The following ENTREP2 variants were observed in gnomAD, a reference collection of about 807,000 sequenced individuals.
ENTREP2 encodes protein ENTREP2.
the ENTREP2 span, among the ~76,000 whole-genome samples, chr15:29,490,479 CCCATTTTACAGAGAGCTGACTGGT>C: frequency 6.6e-6 from 1 of 152,128 alleles, no homozygotes; most frequent in African/African-American, 2.4e-5. Flanking sequence ...TGCTGATTGG[CCCATTTTACAGAGAGCTGACTGGT>C]CCATTTTACA....
the ENTREP2 span, among the ~76,000 whole-genome samples, chr15:29,227,871 G>C: frequency 2.6e-5 from 4 of 152,126 alleles, no homozygotes; most frequent in African/African-American, 9.7e-5. Context: ...ACACATTTCT[G>C]CAGTTCTGAG....
At chr15:29,311,279 A>T in the ENTREP2 span, among the ~76,000 whole-genome samples, 2 of 152,342 alleles carry the variant, frequency 1.3e-5, no homozygotes, top group Non-Finnish European at 2.9e-5. Context: ...ATGACCACAT[A>T]ACAGTCTGAT....
the ENTREP2 span, among the ~76,000 whole-genome samples, chr15:29,585,091 ATTATG>A: frequency 1.3e-5 from 2 of 152,180 alleles, no homozygotes; most frequent in African/African-American, 4.8e-5. Context: ...ATGAATACAA[ATTATG>A]TTGCATTCCT....
At chr15:29,369,646 T>C in the ENTREP2 span, among the ~76,000 whole-genome samples, 6 of 151,886 alleles carry the variant, frequency 4.0e-5, no homozygotes, top group Admixed American at 1.3e-4. Context: ...CAAAACTAGA[T>C]AGACAGTAAA....
At chr15:29,315,479 A>G in the ENTREP2 span, among the ~76,000 whole-genome samples, 8 of 152,258 alleles carry the variant, frequency 5.3e-5, no homozygotes, top group Admixed American at 2.6e-4. Context: ...TACACTTTTC[A>G]TAAGTAGTAC....
At chr15:29,240,160 C>T in the ENTREP2 span, among the ~76,000 whole-genome samples, 4 of 152,028 alleles carry the variant, frequency 2.6e-5, no homozygotes, top group Non-Finnish European at 1.5e-5. Flanking sequence ...GTCGGGAGTT[C>T]GAGACCAGCC....
At chr15:29,673,030 C>G in the ENTREP2 span, among the ~76,000 whole-genome samples, 1 of 152,070 alleles carries the variant, frequency 6.6e-6, no homozygotes, top group Non-Finnish European at 1.5e-5. Context: ...AAGGCAATTC[C>G]AGGAACTGAA....
the ENTREP2 span, among the ~76,000 whole-genome samples, chr15:29,156,269 C>T: frequency 3.0e-4 from 46 of 151,224 alleles, no homozygotes; most frequent in Admixed American, 3.0e-3. Context: ...ACTGCAACTT[C>T]CATCTCCCAG....
the ENTREP2 span, among the ~76,000 whole-genome samples, chr15:29,656,001 G>A: frequency 1.4e-5 from 2 of 145,994 alleles, no homozygotes; most frequent in African/African-American, 5.2e-5. Context: ...TCCAGCCCGG[G>A]TGACAAAGCA....
At chr15:29,555,579 T>C in the ENTREP2 span, among the ~76,000 whole-genome samples, 1 of 152,212 alleles carries the variant, frequency 6.6e-6, no homozygotes, top group Non-Finnish European at 1.5e-5. Flanking sequence ...CAGCACTCTC[T>C]GTAAATGCAG....
chr15:29,324,322 T>C, the ENTREP2 span, among the ~76,000 whole-genome samples: 1 of 152,154 alleles, frequency 6.6e-6, no homozygotes, highest in East Asian at 1.9e-4. Flanking sequence ...GATCAAGCAA[T>C]TGGCCTACCT....
At chr15:29,657,443 G>C in the ENTREP2 span, among the ~76,000 whole-genome samples, 4 of 133,824 alleles carry the variant, frequency 3.0e-5, no homozygotes, top group Admixed American at 8.1e-5. Context: ...CCACCACACA[G>C]AAGTGGACCC....
the ENTREP2 span, among the ~76,000 whole-genome samples, chr15:29,414,969 T>C: frequency 6.6e-6 from 1 of 152,166 alleles, no homozygotes; most frequent in South Asian, 2.1e-4. Context: ...AATCTCTGAA[T>C]AGACAAATAA....
chr15:29,594,533 T>C, the ENTREP2 span, among the ~76,000 whole-genome samples: 1 of 152,162 alleles, frequency 6.6e-6, no homozygotes, highest in Non-Finnish European at 1.5e-5. Context: ...GATGTTTTCG[T>C]TGCTCATGAT....
the ENTREP2 span, among the ~76,000 whole-genome samples, chr15:29,656,945 A>C: frequency 1.3e-5 from 2 of 152,176 alleles, no homozygotes; most frequent in Non-Finnish European, 2.9e-5. Flanking sequence ...TAAATAGCCC[A>C]AATTTCCCTC....
chr15:29,495,414 G>A, the ENTREP2 span, among the ~76,000 whole-genome samples: 1 of 152,014 alleles, frequency 6.6e-6, no homozygotes, highest in Non-Finnish European at 1.5e-5. Context: ...CCAATTATTT[G>A]TTTTTACTTT....
the ENTREP2 span, among the ~76,000 whole-genome samples, chr15:29,666,747 T>G: frequency 1.3e-5 from 2 of 152,158 alleles, no homozygotes; most frequent in Non-Finnish European, 2.9e-5. Context: ...GGAGTGGCCT[T>G]CCTTGACACT....
the ENTREP2 span, among the ~76,000 whole-genome samples, chr15:29,398,766 G>A: frequency 6.6e-5 from 10 of 152,122 alleles, no homozygotes; most frequent in South Asian, 2.1e-4. Context: ...GAAAGTACTC[G>A]TGTGGTATGC....
chr15:29,662,087 T>C, the ENTREP2 span, among the ~76,000 whole-genome samples: 1 of 151,446 alleles, frequency 6.6e-6, no homozygotes, highest in Non-Finnish European at 1.5e-5. Flanking sequence ...GGTGGGTGCC[T>C]AAAATCCCTG....
Sources: gnomAD v4.1 joint callset for allele counts (sites outside exome capture counted in the v4.1 genomes callset) on GRCh38, gnomAD v4.1.1 for gene constraint, MANE v1.5 for transcripts, NCBI Gene and HGNC (gene_info 2026-07-23, HGNC 2026-07-21) for gene names.